Variants in CNTN4 observed in about 807,000 individuals in gnomAD.
The protein encoded by CNTN4 is contactin-4.
Under a neutral mutation model 122.5 loss-of-function variants are expected in CNTN4, and 77 were observed. The observed-to-expected ratio is 0.63, with a 90% CI of 0.52 to 0.76. The LOEUF (loss-of-function observed/expected upper bound fraction) is 0.76. Among genes scored for constraint, CNTN4 ranks in the 30% least tolerant of loss-of-function variants. The pLI is 0.00. For synonymous variants in CNTN4, 512 were observed against 447.0 expected (o/e 1.15, Z -1.83); for missense variants, 1,256 against 1,259.1 (o/e 1.00, Z 0.04).
At chr3:2,931,310 A>G (rs2094518181) in intron 13 of CNTN4, among the ~76,000 whole-genome samples, 1 of 152,150 alleles carries the variant, frequency 6.6e-6, no homozygotes, top group South Asian at 2.1e-4. Context: ...GAGGAAAAAG[A>G]GGAAATGCCT....
chr3:2,969,217 G>A (rs1032785955), intron 13 of CNTN4, among the ~76,000 whole-genome samples: 1 of 152,142 alleles, frequency 6.6e-6, no homozygotes, highest in Non-Finnish European at 1.5e-5. Flanking sequence ...ATTCCCTGGT[G>A]AAACGACAAA....
intron 2 of CNTN4, among the ~76,000 whole-genome samples, chr3:2,161,132 A>G (rs897233396): frequency 1.3e-5 from 2 of 152,014 alleles, no homozygotes; most frequent in African/African-American, 4.8e-5. Flanking sequence ...TTTTGAAGGG[A>G]TGGTATCTGA....
At chr3:2,512,655 A>G (rs575818073) in intron 3 of CNTN4, among the ~76,000 whole-genome samples, 26 of 152,334 alleles carry the variant, frequency 1.7e-4, no homozygotes, top group Admixed American at 5.9e-4. Flanking sequence ...TGTTGTAAAA[A>G]TTGAATTTGA....
At chr3:2,759,538 G>A (rs901308429) in intron 6 of CNTN4, among the ~76,000 whole-genome samples, 2 of 152,082 alleles carry the variant, frequency 1.3e-5, no homozygotes, top group Non-Finnish European at 2.9e-5. Context: ...GGACGCTTGG[G>A]TTCTTTTTAC....
intron 3 of CNTN4, among the ~76,000 whole-genome samples, chr3:2,416,799 G>A (rs926880230): frequency 6.6e-5 from 10 of 152,020 alleles, no homozygotes; most frequent in Admixed American, 1.3e-4. Flanking sequence ...GACTACAGGC[G>A]CCTGCAACCT....
intron 5 of CNTN4, among the ~76,000 whole-genome samples, chr3:2,736,659 C>T (rs1218890357): frequency 6.6e-6 from 1 of 151,468 alleles, no homozygotes; most frequent in South Asian, 2.1e-4. Flanking sequence ...GACAGGGTTT[C>T]TCTGTGTTGG....
intron 2 of CNTN4, among the ~76,000 whole-genome samples, chr3:2,327,560 T>A (rs1408462545): frequency 2.0e-5 from 3 of 152,210 alleles, no homozygotes; most frequent in East Asian, 3.9e-4. Context: ...ATGTTTTACA[T>A]GTATTTCCTT....
chr3:2,309,276 G>T (rs766916397), intron 2 of CNTN4, among the ~76,000 whole-genome samples: 7 of 151,966 alleles, frequency 4.6e-5, no homozygotes, highest in Non-Finnish European at 1.0e-4. Flanking sequence ...TGCTGTTCCA[G>T]CTCTTTTTTT....
intron 2 of CNTN4, among the ~76,000 whole-genome samples, chr3:2,176,028 A>G (rs2149262662): frequency 6.6e-6 from 1 of 152,324 alleles, no homozygotes; most frequent in Admixed American, 6.5e-5. Flanking sequence ...TGACTAGTAC[A>G]GCATCATTTT....
At chr3:3,049,579 T>G (rs1701042772) in intron 23 of CNTN4, among the ~76,000 whole-genome samples, 1 of 152,036 alleles carries the variant, frequency 6.6e-6, no homozygotes, top group South Asian at 2.1e-4. Flanking sequence ...CAGCCATAAA[T>G]AAATAGAATA....
chr3:3,018,494 T>G (rs1574837023), intron 14 of CNTN4, among the ~76,000 whole-genome samples: 1 of 152,142 alleles, frequency 6.6e-6, no homozygotes, highest in African/African-American at 2.4e-5. Flanking sequence ...TGAGTGAGGA[T>G]GCAGAATGGT....
intron 8 of CNTN4, among the ~76,000 whole-genome samples, chr3:2,880,306 A>G (rs986339005): frequency 6.6e-6 from 1 of 152,170 alleles, no homozygotes; most frequent in African/African-American, 2.4e-5. Flanking sequence ...CACATGATAC[A>G]CTGCAAGGCA....
chr3:2,884,800 A>G (rs1046929072), intron 9 of CNTN4, among the ~76,000 whole-genome samples: 17 of 152,220 alleles, frequency 1.1e-4, no homozygotes, highest in African/African-American at 3.6e-4. Context: ...ATTAAACTCT[A>G]TTCACACTGT....
rs550398063 is a variant in CNTN4, at chr3:3,010,994, C to T, written c.1487-15108C>T. 9.2e-5 allele frequency among the ~76,000 whole-genome samples: 14 copies of T among 152,304 alleles called. No homozygotes were observed. The South Asian group carries it at 2.3e-3, about 25-fold the overall frequency. On this transcript the variant is annotated intron_variant, in intron 14 of 24. Coordinates refer to ENST00000418658, the MANE Select transcript of CNTN4 (RefSeq NM_175607.3). ...TGAAGTTTGCTACCCCATCCTCTCA[C>T]GTTTATCACTTCTGCAAAGTCATGC...
intron 3 of CNTN4, among the ~76,000 whole-genome samples, chr3:2,446,013 A>G (rs2174018): frequency 0.67 from 101,465 of 152,060 alleles, 34,321 homozygotes; most frequent in East Asian, 0.81. Context: ...TATAGAAGGT[A>G]TTCAGCTAGC....
chr3:2,800,946 C>G (rs2092333059), intron 6 of CNTN4, among the ~76,000 whole-genome samples: 1 of 152,200 alleles, frequency 6.6e-6, no homozygotes. Flanking sequence ...ACCCAGAGTC[C>G]ATTTTTAAAA....
At chr3:2,583,226 A>G (rs2080027421) in intron 4 of CNTN4, among the ~76,000 whole-genome samples, 1 of 152,238 alleles carries the variant, frequency 6.6e-6, no homozygotes, top group African/African-American at 2.4e-5. Context: ...AGATCTGGCC[A>G]TGGTTGACAT....
At chr3:2,893,697 G>C (rs112614719) in intron 10 of CNTN4, among the ~76,000 whole-genome samples, 162 of 152,248 alleles carry the variant, frequency 1.1e-3, no homozygotes, top group African/African-American at 3.8e-3. Flanking sequence ...ACAATATATT[G>C]AAATGCAATT....
intron 13 of CNTN4, among the ~76,000 whole-genome samples, chr3:2,932,947 C>T (rs377589018): frequency 3.3e-5 from 5 of 152,000 alleles, no homozygotes; most frequent in African/African-American, 7.2e-5. Flanking sequence ...CTCAGCCTCC[C>T]GAGTAGCTGG....
Sources: gnomAD v4.1 joint callset for allele counts (sites outside exome capture counted in the v4.1 genomes callset) on GRCh38, gnomAD v4.1.1 for gene constraint, MANE v1.5 for transcripts, NCBI Gene and HGNC (gene_info 2026-07-23, HGNC 2026-07-21) for gene names.